TBC1D32: variants seen among roughly 807,000 people sequenced by gnomAD.
TBC1D32 encodes the protein protein broad-minded.
TBC1D32 carries 151 observed loss-of-function variants against 170.3 expected under a neutral mutation model. The observed-to-expected ratio is 0.89, with a 90% CI of 0.78 to 1.01. TBC1D32 has a LOEUF of 1.01. Among genes scored for constraint, TBC1D32 ranks in the 50% least tolerant of loss-of-function variants. The pLI, the probability that TBC1D32 is intolerant of heterozygous loss-of-function variation, is 0.00. For missense variants in TBC1D32, 1,464 were observed against 1,457.1 expected (o/e 1.00, Z -0.08); for synonymous variants, 498 against 488.0 (o/e 1.02, Z -0.27).
Position 121,256,246 on chromosome 6 carries a change from T to C in TBC1D32, c.1773A>G (p.Lys591=), listed in dbSNP as rs1158599332. ...ATATAGAAATATCTTCATCGAGAAG[T>C]TTTTTCGAAAACTGGGCAATTATAT... ...GAHIIAQFSK[K]LLDEDISIFS... The change falls in exon 16 of 32, where the codon AAA becomes AAG. Residue 591 remains lysine, a synonymous_variant. Coordinates refer to ENST00000398212, the MANE Select transcript of TBC1D32 (RefSeq NM_152730.6). The C allele has an allele frequency of 1.9e-6, 3 of 1,613,402 alleles. No homozygotes were observed. Among genetic ancestry groups the C allele is most frequent in the East Asian group, 2.2e-5 (1 of 44,836 alleles).
chr6:121,331,605 G>A (rs1811229760), intron 1 of TBC1D32, among the ~76,000 whole-genome samples: 1 of 152,102 alleles, frequency 6.6e-6, no homozygotes, highest in Non-Finnish European at 1.5e-5. Context: ...TGTTCTAATA[G>A]TGGAGGTGGA....
chr6:121,279,466 T>C (rs1012812345), intron 14 of TBC1D32, among the ~76,000 whole-genome samples: 1 of 152,018 alleles, frequency 6.6e-6, no homozygotes, highest in Non-Finnish European at 1.5e-5. Flanking sequence ...AAATACAGAT[T>C]TTTTTTCACC....
chr6:121,333,043 T>G (rs933232519), intron 1 of TBC1D32, among the ~76,000 whole-genome samples: 1 of 152,050 alleles, frequency 6.6e-6, no homozygotes, highest in African/African-American at 2.4e-5. Context: ...AACACAAACT[T>G]GTACATAGAA....
chr6:121,255,524 T>TTATTATATTTATAATTATATTTTATA (rs1798878335), intron 16 of TBC1D32, 114 bp from the exon 17 acceptor site: 1 of 253,330 alleles, frequency 3.9e-6, no homozygotes, highest in Non-Finnish European at 6.9e-6. Context: ...TTATATTTTA[T>TTATTATATTTATAATTATATTTTATA]ATTTCTTACT....
chr6:121,191,685 T>C (rs1328622970), intron 22 of TBC1D32, among the ~76,000 whole-genome samples: 1 of 152,136 alleles, frequency 6.6e-6, no homozygotes, highest in African/African-American at 2.4e-5. Flanking sequence ...TTTTCGGGCA[T>C]GTGGTGATTA....
At chr6:121,241,862 A>C (rs1797024210) in intron 18 of TBC1D32, among the ~76,000 whole-genome samples, 1 of 152,186 alleles carries the variant, frequency 6.6e-6, no homozygotes, top group African/African-American at 2.4e-5. Context: ...CTAAATCTTC[A>C]CTGACATATA....
intron 17 of TBC1D32, among the ~76,000 whole-genome samples, chr6:121,246,316 C>G (rs145932573): frequency 1.3e-5 from 2 of 151,746 alleles, no homozygotes; most frequent in Non-Finnish European, 2.9e-5. Flanking sequence ...CCTAAAAGCA[C>G]GAAGAATTAA....
At chr6:121,219,573 C>T (rs2128323843) in intron 21 of TBC1D32, among the ~76,000 whole-genome samples, 1 of 152,272 alleles carries the variant, frequency 6.6e-6, no homozygotes, top group African/African-American at 2.4e-5. Flanking sequence ...ATTATTTTCA[C>T]TGGATCCGTA....
intron 29 of TBC1D32, among the ~76,000 whole-genome samples, chr6:121,109,922 T>G (rs1779043512): frequency 6.6e-6 from 1 of 152,074 alleles, no homozygotes; most frequent in South Asian, 2.1e-4. Context: ...TCAAATACAT[T>G]TTCTAGAGTA....
intron 20 of TBC1D32, among the ~76,000 whole-genome samples, chr6:121,235,830 C>A (rs1452542390): frequency 6.6e-6 from 1 of 152,222 alleles, no homozygotes; most frequent in Non-Finnish European, 1.5e-5. Context: ...ATGTAAGTCT[C>A]CACACAATGT....
At chr6:121,333,992 G>C (rs1270609632) in intron 1 of TBC1D32, among the ~76,000 whole-genome samples, 1 of 152,158 alleles carries the variant, frequency 6.6e-6, no homozygotes. Context: ...GCTTGAACCC[G>C]GGAGGCGGAG....
intron 1 of TBC1D32, 51 bp from the exon 2 acceptor site, chr6:121,321,845 A>T: frequency 6.8e-7 from 1 of 1,478,864 alleles, no homozygotes; most frequent in Non-Finnish European, 9.1e-7. Flanking sequence ...AAGCATATTC[A>T]GAAAAAAAAA....
At chr6:121,273,135 G>A (rs560885885) in intron 15 of TBC1D32, among the ~76,000 whole-genome samples, 1 of 151,578 alleles carries the variant, frequency 6.6e-6, no homozygotes, top group African/African-American at 2.4e-5. Flanking sequence ...GGGAGGGATA[G>A]TTTTAGGAGA....
chr6:121,222,977 C>A (rs1331647749), intron 21 of TBC1D32, among the ~76,000 whole-genome samples: 1 of 152,156 alleles, frequency 6.6e-6, no homozygotes, highest in East Asian at 1.9e-4. Context: ...ATGTATACTT[C>A]TATTTATGCC....
rs144212965 is a variant in TBC1D32, at chr6:121,149,998, T to C, written c.2773+10012A>G. 2.1e-3 allele frequency among the ~76,000 whole-genome samples: 314 copies of C among 151,808 alleles called. 1 individual carries two copies. The highest frequency in any genetic ancestry group is 7.3e-3 in the African/African-American group (302 of 41,496). On this transcript the variant is annotated intron_variant, in intron 24 of 31. Coordinates refer to ENST00000398212, the MANE Select transcript of TBC1D32 (RefSeq NM_152730.6). ...ATCCCTTGTAAGTTGGATTCCTAGGTATTTTATACCCTCTCTTGCTAGACT... is the reference window on the plus strand; with the variant it reads ...ATCCCTTGTAAGTTGGATTCCTAGGCATTTTATACCCTCTCTTGCTAGACT...
chr6:121,247,129 T>C lies in TBC1D32; in HGVS notation c.2019-4790A>G, dbSNP rs531029170. ...ATCAGACTAACAGTAGATTTCTCAGTAGAAACCTTACAAGCCAGAAGGAAC... is the reference window on the plus strand; with the variant it reads ...ATCAGACTAACAGTAGATTTCTCAGCAGAAACCTTACAAGCCAGAAGGAAC... On this transcript the variant is annotated intron_variant, in intron 17 of 31. Coordinates refer to ENST00000398212, the MANE Select transcript of TBC1D32 (RefSeq NM_152730.6). Among the ~76,000 whole-genome samples the C allele has an allele frequency of 5.3e-5, 8 of 152,152 alleles. No individual in the cohort carries two copies. In the South Asian group the frequency reaches 1.7e-3, roughly 32 times the overall value.
chr6:121,157,872 T>C (rs901705300), intron 24 of TBC1D32, among the ~76,000 whole-genome samples: 3 of 152,142 alleles, frequency 2.0e-5, no homozygotes, highest in Non-Finnish European at 4.4e-5. Context: ...GAAAAGTCTG[T>C]TGCTAGCATG....
intron 21 of TBC1D32, among the ~76,000 whole-genome samples, chr6:121,215,855 A>T (rs1180294289): frequency 6.6e-6 from 1 of 152,230 alleles, no homozygotes; most frequent in African/African-American, 2.4e-5. Context: ...AGAGTAACAG[A>T]TGATGGTGAA....
At chr6:121,202,015 A>G (rs1791632290) in intron 22 of TBC1D32, among the ~76,000 whole-genome samples, 1 of 151,168 alleles carries the variant, frequency 6.6e-6, no homozygotes, top group Non-Finnish European at 1.5e-5. Flanking sequence ...GGGAGACCCA[A>G]GAGTTCAATT....
Sources: allele counts gnomAD v4.1 joint callset (sites outside exome capture counted in the v4.1 genomes callset), GRCh38; gene constraint gnomAD v4.1.1; transcripts MANE v1.5; gene names NCBI Gene and HGNC (gene_info 2026-07-23, HGNC 2026-07-21).